Variants in NF2 observed in about 807,000 individuals in gnomAD.
NF2 encodes NF2, moesin-ezrin-radixin like (MERLIN) tumor suppressor.
Under a neutral mutation model 83.7 loss-of-function variants are expected in NF2, and 8 were observed. The observed-to-expected ratio is 0.10, with a 90% confidence interval of 0.06 to 0.17. The LOEUF is 0.17. NF2 is among the 10% of genes least tolerant of loss of function. NF2 has a pLI of 1.00. For missense variants in NF2, 533 were observed against 744.4 expected (o/e 0.72, Z 3.31); for synonymous variants, 266 against 269.6 (o/e 0.99, Z 0.13).
At chr22:29,616,526 C>T (rs1329651878) in intron 1 of NF2, among the ~76,000 whole-genome samples, 2 of 152,148 alleles carry the variant, frequency 1.3e-5, no homozygotes, top group East Asian at 1.9e-4. Flanking sequence ...GGACGGATGA[C>T]GAGGTCAGGA....
At position 29,661,228 on chromosome 22, in the gene NF2, G is replaced by C. The variant is rs780003734; in HGVS notation, c.699G>C (p.Leu233=). ...AIRNKKGTEL[L]LGVDALGLHI... ...AGAATAAAAAGGGCACAGAGCTGCT[G>C]CTTGGAGTGGATGCCCTGGGGCTTC... Residue 233 remains leucine (L), a synonymous_variant, in exon 8 of 16, where the codon CTG becomes CTC. Transcript: ENST00000338641. 3 of 1,614,250 alleles carry C rather than the reference G, an allele frequency of 1.9e-6. No homozygotes were observed. Among genetic ancestry groups the C allele is most frequent in the Non-Finnish European group, 1.7e-6 (2 of 1,180,050 alleles).
intron 4 of NF2, among the ~76,000 whole-genome samples, chr22:29,646,516 C>G (rs142682244): frequency 6.6e-6 from 1 of 152,262 alleles, no homozygotes; most frequent in Non-Finnish European, 1.5e-5. Context: ...CTTCCACAAC[C>G]TTTCTGAAAC....
chr22:29,679,260 T>C (rs1412674955), intron 14 of NF2, among the ~76,000 whole-genome samples: 1 of 152,166 alleles, frequency 6.6e-6, no homozygotes, highest in African/African-American at 2.4e-5. Context: ...GGTGGTATCC[T>C]CAGGAAAACC....
chr22:29,670,239 C>A (rs2066741269), intron 10 of NF2, among the ~76,000 whole-genome samples: 1 of 152,130 alleles, frequency 6.6e-6, no homozygotes, highest in African/African-American at 2.4e-5. Flanking sequence ...CTCAAACATT[C>A]CTCCTACTTC....
At chr22:29,607,541 AG>A (rs1875012702) in intron 1 of NF2, among the ~76,000 whole-genome samples, 1 of 152,166 alleles carries the variant, frequency 6.6e-6, no homozygotes, top group East Asian at 1.9e-4. Flanking sequence ...GGCCCTGGAG[AG>A]GGGGTACCAA....
chr22:29,680,355 C>T (rs1317620985), intron 14 of NF2, among the ~76,000 whole-genome samples: 2 of 152,190 alleles, frequency 1.3e-5, no homozygotes, highest in Non-Finnish European at 2.9e-5. Context: ...CATGATCCGC[C>T]CACCTTGGCC....
At chr22:29,648,763 T>A (rs972161820) in intron 4 of NF2, among the ~76,000 whole-genome samples, 1 of 152,196 alleles carries the variant, frequency 6.6e-6, no homozygotes, top group Non-Finnish European at 1.5e-5. Flanking sequence ...CTAATTTTTG[T>A]GTTTTTTGTA....
At chr22:29,605,062 C>T (rs1472686313) in intron 1 of NF2, among the ~76,000 whole-genome samples, 1 of 152,108 alleles carries the variant, frequency 6.6e-6, no homozygotes, top group Non-Finnish European at 1.5e-5. Flanking sequence ...CTTACTGCAA[C>T]CCTGACCAAC....
At position 29,694,838 on chromosome 22, in the gene NF2, C is replaced by T. The variant is rs536441436; in HGVS notation, c.*36C>T. ...AGCCACCCCAGGACCTGCCACTTCT[C>T]CTGCTACCGGGACCGCGGGATGGAC... On this transcript the variant is annotated 3_prime_UTR_variant, in exon 16 of 16. Transcript: ENST00000338641. The surrounding 1 kb of genome is among the most constrained non-coding windows in gnomAD (Gnocchi z 4.1). 3 of 1,607,652 alleles carry T rather than the reference C, an allele frequency of 1.9e-6. No individual in the cohort carries two copies. The highest frequency in any genetic ancestry group is 1.7e-4 in the Middle Eastern group (1 of 6,052).
chr22:29,675,168 A>G, intron 13 of NF2, among the ~76,000 whole-genome samples: 1 of 152,208 alleles, frequency 6.6e-6, no homozygotes, highest in Non-Finnish European at 1.5e-5. Context: ...ATAACAGGCA[A>G]CAGGGCCTTT....
chr22:29,628,140 C>CTG (rs3138701), intron 1 of NF2, among the ~76,000 whole-genome samples: 31,130 of 139,464 alleles, frequency 0.22, 3,258 homozygotes, highest in East Asian at 0.3. Flanking sequence ...GAGACTTAAT[C>CTG]TGTGTGTGTG....
chr22:29,654,688 G>A lies in NF2; in HGVS notation c.479G>A (p.Arg160Gln), dbSNP rs867595517. 9 of 1,613,936 alleles carry A rather than the reference G, an allele frequency of 5.6e-6. No homozygotes were observed. Among genetic ancestry groups the A allele is most frequent in the Non-Finnish European group, 7.6e-6 (9 of 1,179,876 alleles). Residue 160 changes from arginine (R) to glutamine (Q), a missense_variant, in exon 5 of 16, where the codon CGG becomes CAG. Physicochemically the swap from Arg to Gln is conservative, Grantham distance 43. This residue lies in a region of NF2 where 326 missense variants were observed against 475.1 expected (regional missense o/e 0.69). Transcript: ENST00000338641. Reference protein sequence around the residue: ...YGDYDPSVHKRGFLAQEELLP... With the variant: ...YGDYDPSVHKQGFLAQEELLP... The stretch of plus-strand genomic sequence containing the variant: ...GACTACGACCCCAGTGTTCACAAGC[G>A]GGGATTTTTGGCCCAAGAGGAATTG...
chr22:29,652,614 TA>T (rs2066181815), intron 4 of NF2, among the ~76,000 whole-genome samples: 1 of 152,202 alleles, frequency 6.6e-6, no homozygotes, highest in African/African-American at 2.4e-5. Flanking sequence ...AGCATAGTTT[TA>T]AAAACTTTGC....
chr22:29,604,550 C>T (rs573654025), intron 1 of NF2, among the ~76,000 whole-genome samples: 1 of 152,188 alleles, frequency 6.6e-6, no homozygotes, highest in Non-Finnish European at 1.5e-5. Context: ...GATATAACAT[C>T]TCATACTTAC....
At chr22:29,624,601 A>ATGTTGTCAT (rs2065294705) in intron 1 of NF2, among the ~76,000 whole-genome samples, 1 of 152,170 alleles carries the variant, frequency 6.6e-6, no homozygotes. Flanking sequence ...TTACCTATCT[A>ATGTTGTCAT]TGTTGTCATG....
rs2066684701 is a variant in NF2, at chr22:29,668,329, A to G, written c.886-4A>G. ...AACCTTTTTGTCTGCTTCTGTGGCC[A>G]CAGATTCTCCAGCTATGTATCGGGA... On this transcript the variant is annotated splice_polypyrimidine_tract_variant and splice_region_variant and intron_variant, in intron 9 of 15. Coordinates refer to ENST00000338641, the MANE Select transcript of NF2 (RefSeq NM_000268.4). The G allele has an allele frequency of 1.2e-6, 2 of 1,610,684 alleles. No homozygotes were observed. Among genetic ancestry groups the G allele is most frequent in the Admixed American group, 1.7e-5 (1 of 59,990 alleles).
chr22:29,654,407 T>TA (rs1186289602), intron 4 of NF2, among the ~76,000 whole-genome samples: 8 of 152,254 alleles, frequency 5.3e-5, no homozygotes, highest in African/African-American at 1.9e-4. Context: ...CACATTTCCA[T>TA]ACAAGTGTCA....
chr22:29,682,940 A>G, intron 15 of NF2: 2 of 1,551,880 alleles, frequency 1.3e-6, no homozygotes, highest in South Asian at 2.2e-5. Context: ...CTATCCAAGC[A>G]TTTTGCAGAT....
chr22:29,635,017 G>C (rs2065611283), intron 1 of NF2, among the ~76,000 whole-genome samples: 1 of 152,164 alleles, frequency 6.6e-6, no homozygotes, highest in African/African-American at 2.4e-5. Flanking sequence ...AGAAGTTGAA[G>C]GACAGATAGG....
Sources: allele counts gnomAD v4.1 joint callset (sites outside exome capture counted in the v4.1 genomes callset), GRCh38; gene constraint gnomAD v4.1.1; regional missense constraint gnomAD v4.1.1; non-coding constraint Gnocchi (gnomAD v3.1); transcripts MANE v1.5; gene names NCBI Gene and HGNC (gene_info 2026-07-23, HGNC 2026-07-21).